MRPL3: variants seen among roughly 807,000 people sequenced by gnomAD.
The protein encoded by MRPL3 is mitochondrial ribosomal protein L3, also known as large ribosomal subunit protein uL3m.
A neutral mutation model predicts 44.3 loss-of-function variants in MRPL3; 43 were observed. The ratio of observed to expected loss-of-function variants is 0.97; its 90% CI spans 0.76 to 1.25. MRPL3 has a LOEUF of 1.25. MRPL3 is among the 50% of genes most tolerant of loss of function. MRPL3 has a pLI of 0.00. For missense variants in MRPL3, 406 were observed against 427.6 expected (o/e 0.95, Z 0.45); for synonymous variants, 171 against 152.3 (o/e 1.12, Z -0.91).
intron 4 of MRPL3, 143 bp from the exon 5 acceptor site, chr3:131,490,223 TC>T (rs569336610): frequency 1.8e-4 from 108 of 597,340 alleles, no homozygotes; most frequent in Non-Finnish European, 3.0e-4. Context: ...GGCACCCAAT[TC>T]CCCTTATTTA....
rs1252933546 is a variant in MRPL3 at position 131,501,524 on chromosome 3, T to A, written c.277+7A>T. ...AAATGAGAGCTCATCAAATACAAAA[T>A]AATCACCTGGTTCCCAAGGATGTAT... On this transcript the variant is annotated splice_region_variant and intron_variant, in intron 2 of 9. Transcript: ENST00000264995. The A allele has an allele frequency of 8.1e-6, 13 of 1,607,766 alleles. No individual in the cohort carries two copies. Among genetic ancestry groups the A allele is most frequent in the Admixed American group, 1.7e-5 (1 of 59,552 alleles).
chr3:131,482,072 C>T (rs984928534), intron 6 of MRPL3, among the ~76,000 whole-genome samples: 5 of 152,174 alleles, frequency 3.3e-5, no homozygotes, highest in African/African-American at 1.2e-4. Flanking sequence ...TTTAAGAACC[C>T]ATGTTGACAG....
intron 6 of MRPL3, among the ~76,000 whole-genome samples, chr3:131,486,065 C>T (rs1039713396): frequency 6.6e-6 from 1 of 152,008 alleles, no homozygotes. Context: ...AACTTGACAA[C>T]AACAAGAAAT....
chr3:131,501,570 G>C lies in MRPL3; in HGVS notation c.238C>G (p.Leu80Val). The change falls in exon 2 of 10, where the codon CTG (leucine) becomes GTG (valine). Residue 80 changes from leucine (L) to valine (V), a missense_variant. Physicochemically the swap from Leu to Val is conservative, Grantham distance 32. Transcript: ENST00000264995. ...TGTATAGGCCATGGTTCATCTTTCA[G>C]AGGACACAGTTTACTTGCTAATTGG... ...KAQLASKLCP[L>V]KDEPWPIHPW... The C allele has an allele frequency of 6.2e-7, 1 of 1,612,116 alleles. No homozygotes were observed. Among genetic ancestry groups the C allele is most frequent in the Non-Finnish European group, 8.5e-7 (1 of 1,179,936 alleles).
chr3:131,492,000 A>G (rs1246300478), intron 4 of MRPL3, among the ~76,000 whole-genome samples: 3 of 151,922 alleles, frequency 2.0e-5, no homozygotes, highest in South Asian at 4.2e-4. Flanking sequence ...GAAAAAATGC[A>G]CTCCCTTATT....
At chr3:131,463,651 A>G (rs948640574) in intron 9 of MRPL3, among the ~76,000 whole-genome samples, 2 of 152,176 alleles carry the variant, frequency 1.3e-5, no homozygotes, top group African/African-American at 4.8e-5. Flanking sequence ...AGCAAAAACA[A>G]TAACAGACCT....
intron 6 of MRPL3, among the ~76,000 whole-genome samples, chr3:131,474,446 T>C (rs74809119): frequency 2.6e-5 from 4 of 152,068 alleles, no homozygotes; most frequent in Admixed American, 2.0e-4. Context: ...AATAGGTAGA[T>C]AGAAGGAATA....
intron 6 of MRPL3, among the ~76,000 whole-genome samples, chr3:131,482,432 G>A (rs537092294): frequency 2.0e-5 from 3 of 151,764 alleles, no homozygotes; most frequent in Admixed American, 2.0e-4. Context: ...GGAGAATGGC[G>A]TGAACCTGGG....
In MRPL3 at chr3:131,498,263, A is replaced by C. The variant is rs747896904; in HGVS notation, c.384T>G (p.His128Gln). The change falls in exon 4 of 10, where the codon CAT (histidine) becomes CAG (glutamine). Residue 128 changes from histidine (H) to glutamine (Q), a missense_variant. Transcript: ENST00000264995. ...TTTCCTTTGACGTATATTTTAAGAC[A>C]TGACAGTCTTGTACCTAAAAAAACA... Reference protein sequence around the residue: ...VVTLLQVQDCHVLKYTSKENC... With the variant: ...VVTLLQVQDCQVLKYTSKENC... The C allele has an allele frequency of 1.2e-6, 2 of 1,605,524 alleles. No homozygotes were observed. The highest frequency in any genetic ancestry group is 1.7e-6 in the Non-Finnish European group (2 of 1,172,488).
At chr3:131,477,797 C>T (rs971866247) in intron 6 of MRPL3, among the ~76,000 whole-genome samples, 5 of 152,178 alleles carry the variant, frequency 3.3e-5, no homozygotes, top group East Asian at 1.9e-4. Flanking sequence ...TTCTTAACAT[C>T]GGTGTTTAGA....
intron 6 of MRPL3, among the ~76,000 whole-genome samples, chr3:131,474,935 C>T (rs1363931551): frequency 1.3e-5 from 2 of 151,920 alleles, no homozygotes; most frequent in Non-Finnish European, 1.5e-5. Context: ...CATGCCACCA[C>T]ACTCAGCTAA....
intron 6 of MRPL3, among the ~76,000 whole-genome samples, chr3:131,481,310 A>G (rs1933980184): frequency 1.3e-5 from 2 of 152,220 alleles, no homozygotes; most frequent in African/African-American, 4.8e-5. Context: ...CTATTCAGGA[A>G]AACATGGATC....
intron 6 of MRPL3, among the ~76,000 whole-genome samples, chr3:131,481,679 A>C (rs1460114164): frequency 6.6e-6 from 1 of 152,158 alleles, no homozygotes. Context: ...TAACCCAACA[A>C]CTAAATATAA....
intron 6 of MRPL3, among the ~76,000 whole-genome samples, chr3:131,484,291 T>C (rs1190001361): frequency 2.0e-5 from 3 of 152,076 alleles, no homozygotes; most frequent in Non-Finnish European, 4.4e-5. Flanking sequence ...GGAAACTTGG[T>C]AGAAATGCAA....
intron 9 of MRPL3, among the ~76,000 whole-genome samples, chr3:131,466,979 G>A (rs987630624): frequency 1.3e-4 from 20 of 151,854 alleles, no homozygotes; most frequent in African/African-American, 4.1e-4. Flanking sequence ...GACCACCTCC[G>A]CCAGCTCTCC....
intron 5 of MRPL3, among the ~76,000 whole-genome samples, chr3:131,489,299 A>G (rs916015757): frequency 6.6e-6 from 1 of 152,070 alleles, no homozygotes; most frequent in African/African-American, 2.4e-5. Context: ...TTTTAATTCT[A>G]CCTTGTATCA....
chr3:131,473,728 G>C (rs1162934975), intron 6 of MRPL3, among the ~76,000 whole-genome samples: 1 of 151,614 alleles, frequency 6.6e-6, no homozygotes, highest in Non-Finnish European at 1.5e-5. Context: ...AAAACCCCAA[G>C]TAATCCAATT....
intron 6 of MRPL3, among the ~76,000 whole-genome samples, chr3:131,477,361 C>T (rs1933876025): frequency 6.6e-6 from 1 of 152,166 alleles, no homozygotes; most frequent in African/African-American, 2.4e-5. Context: ...TATCCCTCCT[C>T]GTCTTTCACT....
At chr3:131,489,608 C>G (rs1263516857) in intron 5 of MRPL3, among the ~76,000 whole-genome samples, 1 of 151,946 alleles carries the variant, frequency 6.6e-6, no homozygotes, top group East Asian at 1.9e-4. Context: ...TATGGTCGGT[C>G]CCTTCTGTTA....
Sources: allele counts gnomAD v4.1 joint callset (sites outside exome capture counted in the v4.1 genomes callset), GRCh38; gene constraint gnomAD v4.1.1; transcripts MANE v1.5; gene names NCBI Gene and HGNC (gene_info 2026-07-23, HGNC 2026-07-21).